Variants in CTNNA3 observed in about 807,000 individuals in gnomAD.
The protein encoded by CTNNA3 is catenin alpha-3.
Under a neutral mutation model 95.7 loss-of-function variants are expected in CTNNA3, and 76 were observed. The ratio of observed to expected loss-of-function variants is 0.79; its 90% CI spans 0.66 to 0.96. CTNNA3 has a LOEUF of 0.96. CTNNA3 is among the 40% of genes least tolerant of loss of function. The pLI is 0.00. For missense variants in CTNNA3, 1,191 were observed against 1,089.8 expected, an observed-to-expected ratio of 1.09 and a Z score of -1.31; for synonymous variants, 431 against 374.4, an observed-to-expected ratio of 1.15 and a Z score of -1.74.
At chr10:67,328,140 C>A (rs1169175614) in intron 5 of CTNNA3, among the ~76,000 whole-genome samples, 1 of 152,122 alleles carries the variant, frequency 6.6e-6, no homozygotes, top group East Asian at 1.9e-4. Context: ...CAGACACATG[C>A]CAGCAAAGCA....
In CTNNA3 at chr10:66,208,781, G is replaced by A. The variant is rs535687006; in HGVS notation, c.1884+71689C>T. Among the ~76,000 whole-genome samples the A allele has an allele frequency of 2.2e-4, 33 of 151,846 alleles. No individual in the cohort carries two copies. The South Asian group carries it at 4.8e-3, about 22-fold the overall frequency. On this transcript the variant is annotated intron_variant, in intron 13 of 17. Coordinates refer to ENST00000433211, the MANE Select transcript of CTNNA3 (RefSeq NM_013266.4). ...CACCACCAGCCCTCAGCCCTCAGCC[G>A]CAGATATACTTCACCCACTCCACAT...
At chr10:66,210,791 A>G (rs2088100281) in intron 13 of CTNNA3, among the ~76,000 whole-genome samples, 1 of 152,260 alleles carries the variant, frequency 6.6e-6, no homozygotes, top group Admixed American at 6.5e-5. Context: ...AGTTTACAAA[A>G]TAATTCACAT....
At chr10:67,754,124 C>T (rs560858881) in intron 1 of CTNNA3, among the ~76,000 whole-genome samples, 29 of 152,278 alleles carry the variant, frequency 1.9e-4, no homozygotes, top group African/African-American at 6.5e-4. Context: ...CCATGGAATG[C>T]TCTGCAGCCA....
chr10:65,922,067 C>T (rs2077094933), intron 17 of CTNNA3, among the ~76,000 whole-genome samples: 1 of 152,090 alleles, frequency 6.6e-6, no homozygotes. Context: ...CTCAAAGTAA[C>T]ACAGATATTA....
At chr10:67,520,415 T>C (rs1367771841) in intron 5 of CTNNA3, among the ~76,000 whole-genome samples, 1 of 152,134 alleles carries the variant, frequency 6.6e-6, no homozygotes, top group Non-Finnish European at 1.5e-5. Context: ...AAGAGTACAG[T>C]GACTACTGCC....
intron 7 of CTNNA3, among the ~76,000 whole-genome samples, chr10:67,046,728 A>C (rs894914181): frequency 3.9e-5 from 6 of 152,162 alleles, no homozygotes; most frequent in Non-Finnish European, 8.8e-5. Context: ...TTTTGTTACC[A>C]TTATCCTTCT....
intron 9 of CTNNA3, among the ~76,000 whole-genome samples, chr10:66,668,133 TA>T (rs1347625447): frequency 6.6e-6 from 1 of 152,138 alleles, no homozygotes; most frequent in African/African-American, 2.4e-5. Context: ...TTTCTTCTAA[TA>T]AGGGTATATT....
chr10:66,007,500 C>T (rs145702762), intron 15 of CTNNA3, among the ~76,000 whole-genome samples: 219 of 152,254 alleles, frequency 1.4e-3, no homozygotes, highest in Non-Finnish European at 2.5e-3. Flanking sequence ...CACCATAATA[C>T]GGTAGTTATT....
chr10:67,667,587 G>A lies in CTNNA3; in HGVS notation c.-5-20069C>T, dbSNP rs75643630. Among the ~76,000 whole-genome samples the A allele has an allele frequency of 0.034, 5,160 of 152,116 alleles. 614 individuals are homozygous for A. The East Asian group carries it at 0.43, about 13-fold the overall frequency. On this transcript the variant is annotated intron_variant, in intron 1 of 17. Transcript: ENST00000433211. Reference sequence around the variant, plus strand: ...TAAATGTTAATTCTCTTCCTCAATTGTCATTCAAAATAAAAAATTATAGGT... The same window carrying A: ...TAAATGTTAATTCTCTTCCTCAATTATCATTCAAAATAAAAAATTATAGGT...
intron 7 of CTNNA3, among the ~76,000 whole-genome samples, chr10:66,786,816 A>G (rs1840765013): frequency 6.6e-6 from 1 of 152,158 alleles, no homozygotes; most frequent in Non-Finnish European, 1.5e-5. Context: ...AATATGTAGA[A>G]TATTGACCAT....
At chr10:66,665,258 T>C (rs889067926) in intron 9 of CTNNA3, among the ~76,000 whole-genome samples, 1 of 152,082 alleles carries the variant, frequency 6.6e-6, no homozygotes, top group Admixed American at 6.6e-5. Context: ...ATGAACAAAA[T>C]TGGACTAAAA....
At chr10:67,647,120 TA>T (rs1839736269) in intron 2 of CTNNA3, among the ~76,000 whole-genome samples, 1 of 143,610 alleles carries the variant, frequency 7.0e-6, no homozygotes, top group Admixed American at 7.3e-5. Flanking sequence ...TCAAAGAAGA[TA>T]ATTTATATAA....
intron 10 of CTNNA3, among the ~76,000 whole-genome samples, chr10:66,528,265 TCC>T (rs201331722): frequency 0.011 from 1,697 of 152,276 alleles, 18 homozygotes; most frequent in Non-Finnish European, 0.016. Flanking sequence ...TTTAGGCTTC[TCC>T]CCATTTTTAC....
At chr10:66,874,562 C>T (rs763999997) in intron 7 of CTNNA3, among the ~76,000 whole-genome samples, 2 of 152,124 alleles carry the variant, frequency 1.3e-5, no homozygotes, top group Non-Finnish European at 2.9e-5. Context: ...AACATGTATA[C>T]ATAAATATAC....
chr10:66,904,219 C>T (rs570525061), intron 7 of CTNNA3, among the ~76,000 whole-genome samples: 2 of 151,690 alleles, frequency 1.3e-5, no homozygotes, highest in South Asian at 2.1e-4. Context: ...ATAACACATC[C>T]ACAGCCATCT....
intron 5 of CTNNA3, among the ~76,000 whole-genome samples, chr10:67,323,817 T>G (rs777796325): frequency 1.3e-5 from 2 of 152,186 alleles, no homozygotes; most frequent in African/African-American, 2.4e-5. Context: ...TTTAACAACA[T>G]TGATTCTTCC....
rs541758742 is a variant in CTNNA3 at position 67,389,842 on chromosome 10, G to T, written c.579+132000C>A. 8.7e-4 allele frequency among the ~76,000 whole-genome samples: 132 copies of T among 152,096 alleles called. 1 individual carries two copies. The highest frequency in any genetic ancestry group is 6.8e-3 in the Middle Eastern group (2 of 294). Reference sequence around the variant, plus strand: ...CATAAGAAATGAAGGCAGAAATAAAGATGTTCTTTGAAACCAACGAGAACA... The same window carrying T: ...CATAAGAAATGAAGGCAGAAATAAATATGTTCTTTGAAACCAACGAGAACA... On this transcript the variant is annotated intron_variant, in intron 5 of 17. Coordinates refer to ENST00000433211, the MANE Select transcript of CTNNA3 (RefSeq NM_013266.4).
intron 11 of CTNNA3, among the ~76,000 whole-genome samples, chr10:66,467,755 T>C (rs1002242906): frequency 4.6e-5 from 7 of 152,088 alleles, no homozygotes; most frequent in African/African-American, 1.7e-4. Flanking sequence ...GAACTTAGAT[T>C]GTCCTGCTCT....
At chr10:66,428,969 G>GT (rs2093270118) in intron 11 of CTNNA3, among the ~76,000 whole-genome samples, 1 of 151,956 alleles carries the variant, frequency 6.6e-6, no homozygotes, top group African/African-American at 2.4e-5. Context: ...TCAGGAGCTG[G>GT]TTTTTTGAAA....
Sources: allele counts gnomAD v4.1 joint callset (sites outside exome capture counted in the v4.1 genomes callset), GRCh38; gene constraint gnomAD v4.1.1; transcripts MANE v1.5; gene names NCBI Gene and HGNC (gene_info 2026-07-23, HGNC 2026-07-21).